The following ARB2A variants were observed in gnomAD, a reference collection of about 807,000 sequenced individuals.
The protein encoded by ARB2A is ARB2 cotranscriptional regulator A.
chr5:93,738,882 T>G, the ARB2A span: 1 of 152,224 alleles, frequency 6.6e-6, no homozygotes, highest in Non-Finnish European at 1.5e-5. Flanking sequence ...TGCCTAACAT[T>G]GTGAATGTAA....
At chr5:93,773,938 T>G in the ARB2A span, among the ~76,000 whole-genome samples, 3 of 152,156 alleles carry the variant, frequency 2.0e-5, no homozygotes, top group African/African-American at 7.2e-5. Context: ...TGGCTAATAT[T>G]AAAAAATTTT....
At chr5:93,671,413 C>T in the ARB2A span, among the ~76,000 whole-genome samples, 3 of 151,862 alleles carry the variant, frequency 2.0e-5, no homozygotes, top group South Asian at 4.1e-4. Context: ...ATACAGTGAA[C>T]TAACACAGAA....
the ARB2A span, among the ~76,000 whole-genome samples, chr5:94,110,282 C>A: frequency 6.6e-6 from 1 of 152,212 alleles, no homozygotes; most frequent in African/African-American, 2.4e-5. Context: ...AAAGGACTTT[C>A]TATTTTGTTT....
chr5:93,623,562 C>T, the ARB2A span, among the ~76,000 whole-genome samples: 1 of 152,192 alleles, frequency 6.6e-6, no homozygotes, highest in South Asian at 2.1e-4. Context: ...GATAAAATCA[C>T]TACAAAAGCT....
chr5:93,751,079 T>A, the ARB2A span, among the ~76,000 whole-genome samples: 1 of 152,170 alleles, frequency 6.6e-6, no homozygotes, highest in Non-Finnish European at 1.5e-5. Flanking sequence ...ACTTAGGGTC[T>A]CCTTAAAAAG....
At chr5:93,929,478 A>C in the ARB2A span, among the ~76,000 whole-genome samples, 2 of 152,298 alleles carry the variant, frequency 1.3e-5, no homozygotes, top group Non-Finnish European at 2.9e-5. Flanking sequence ...AGAATCATAG[A>C]GTGTATAAGG....
At chr5:93,771,759 C>T in the ARB2A span, among the ~76,000 whole-genome samples, 136 of 152,304 alleles carry the variant, frequency 8.9e-4, 1 homozygote, top group Non-Finnish European at 9.0e-4. Flanking sequence ...CAATGGGATA[C>T]CATCTCATAC....
At chr5:93,724,301 G>T in the ARB2A span, among the ~76,000 whole-genome samples, 1 of 151,872 alleles carries the variant, frequency 6.6e-6, no homozygotes, top group African/African-American at 2.4e-5. Flanking sequence ...TTTAAACCAA[G>T]CCTAGTCTTC....
the ARB2A span, among the ~76,000 whole-genome samples, chr5:94,066,424 A>G: frequency 1.4e-4 from 11 of 78,488 alleles, no homozygotes; most frequent in South Asian, 9.5e-4. Flanking sequence ...CAGACTAAGC[A>G]CACACACACA....
At chr5:93,618,003 T>G in the ARB2A span, 1 of 152,306 alleles carries the variant, frequency 6.6e-6, no homozygotes, top group South Asian at 2.1e-4. Context: ...GTTTTTGCTT[T>G]AAAAAATCTC....
the ARB2A span, among the ~76,000 whole-genome samples, chr5:94,010,981 GTCATTTTGGAACC>G: frequency 6.6e-6 from 1 of 152,144 alleles, no homozygotes; most frequent in East Asian, 1.9e-4. Context: ...AACAAAATCT[GTCATTTTGGAACC>G]TCATTTTGGT....
At chr5:93,620,635 C>G in the ARB2A span, 3 of 195,612 alleles carry the variant, frequency 1.5e-5, no homozygotes, top group South Asian at 1.9e-4. Context: ...ACGGCGGGCG[C>G]TAGGACCGCG....
At chr5:93,835,652 G>T in the ARB2A span, among the ~76,000 whole-genome samples, 3 of 152,148 alleles carry the variant, frequency 2.0e-5, no homozygotes, top group South Asian at 6.2e-4. Flanking sequence ...TCTAACCTTT[G>T]TGACTTCAGC....
At chr5:93,767,993 CAAAAAAAAAAAA>C in the ARB2A span, among the ~76,000 whole-genome samples, 13 of 20,960 alleles carry the variant, frequency 6.2e-4, no homozygotes, top group South Asian at 0.02. Flanking sequence ...GACTCCATCT[CAAAAAAAAAAAA>C]AAAAAAAAAA....
the ARB2A span, among the ~76,000 whole-genome samples, chr5:93,807,512 A>T: frequency 6.6e-6 from 1 of 151,878 alleles, no homozygotes; most frequent in East Asian, 1.9e-4. Flanking sequence ...AACTAATCAA[A>T]CTCCTCATTT....
At chr5:93,735,893 T>C in the ARB2A span, 2 of 152,052 alleles carry the variant, frequency 1.3e-5, no homozygotes, top group Admixed American at 1.3e-4. Flanking sequence ...ATTCAGATTC[T>C]TCTGCTTGAT....
chr5:94,016,028 T>A, the ARB2A span, among the ~76,000 whole-genome samples: 2 of 152,140 alleles, frequency 1.3e-5, no homozygotes, highest in Non-Finnish European at 2.9e-5. Context: ...CCCAATTATA[T>A]ACTGTCTACA....
At chr5:93,837,773 A>AT in the ARB2A span, among the ~76,000 whole-genome samples, 1 of 151,974 alleles carries the variant, frequency 6.6e-6, no homozygotes, top group Admixed American at 6.6e-5. Flanking sequence ...GATGCTGTGC[A>AT]TTTTTTCGTA....
the ARB2A span, among the ~76,000 whole-genome samples, chr5:93,647,412 G>C: frequency 6.6e-6 from 1 of 152,172 alleles, no homozygotes; most frequent in African/African-American, 2.4e-5. Context: ...TTTTTTAGTA[G>C]AGATGGGGTT....
Sources: gnomAD v4.1 joint callset for allele counts (sites outside exome capture counted in the v4.1 genomes callset) on GRCh38, gnomAD v4.1.1 for gene constraint, MANE v1.5 for transcripts, NCBI Gene and HGNC (gene_info 2026-07-23, HGNC 2026-07-21) for gene names.